The following ACER2 variants were observed in gnomAD, a reference collection of about 807,000 sequenced individuals.
ACER2 encodes alkaline ceramidase 2.
A neutral mutation model predicts 34.7 loss-of-function variants in ACER2; 26 were observed. The ratio of observed to expected loss-of-function variants is 0.75; its 90% CI spans 0.55 to 1.04. ACER2 has a LOEUF of 1.04. Ranked by LOEUF, ACER2 falls within the 50% of genes least tolerant of loss-of-function variation. The pLI is 0.00. For synonymous variants in ACER2, 138 were observed against 132.1 expected, an observed-to-expected ratio of 1.04 and a Z score of -0.31; for missense variants, 352 against 340.8, an observed-to-expected ratio of 1.03 and a Z score of -0.26.
intron 3 of ACER2, among the ~76,000 whole-genome samples, chr9:19,432,155 C>G (rs371123019): frequency 7.2e-4 from 109 of 152,262 alleles, no homozygotes; most frequent in African/African-American, 2.5e-3. Flanking sequence ...AAGATAGTAT[C>G]AATTATTTGT....
chr9:19,434,910 T>G lies in ACER2; in HGVS notation c.366-37T>G, dbSNP rs989483613. 3 of 1,611,008 alleles carry G rather than the reference T, an allele frequency of 1.9e-6. No individual in the cohort carries two copies. In the African/African-American group the frequency reaches 4.0e-5, roughly 22 times the overall value. ...AAACAAACAAACAAACAAGAACTCC[T>G]TTTCTAATGGATTTGGTTTTGCTTT... On this transcript the variant is annotated intron_variant, in intron 3 of 5. Coordinates refer to ENST00000340967, the MANE Select transcript of ACER2 (RefSeq NM_001010887.3).
chr9:19,413,872 C>T (rs1189518761), intron 1 of ACER2, among the ~76,000 whole-genome samples: 1 of 152,212 alleles, frequency 6.6e-6, no homozygotes, highest in Non-Finnish European at 1.5e-5. Flanking sequence ...AGTCCTAAGT[C>T]CCGCTCTCTT....
chr9:19,413,169 C>T (rs1830138322), intron 1 of ACER2, among the ~76,000 whole-genome samples: 2 of 152,222 alleles, frequency 1.3e-5, no homozygotes, highest in Admixed American at 1.3e-4. Flanking sequence ...ATTGTATCAT[C>T]CTTTGCTTCA....
intron 1 of ACER2, among the ~76,000 whole-genome samples, chr9:19,410,332 C>T (rs1481134406): frequency 6.6e-6 from 1 of 152,094 alleles, no homozygotes; most frequent in Non-Finnish European, 1.5e-5. Flanking sequence ...AAGTCTGGGC[C>T]CTTCCTTCCC....
At chr9:19,429,898 G>A (rs1446776261) in intron 3 of ACER2, among the ~76,000 whole-genome samples, 1 of 152,208 alleles carries the variant, frequency 6.6e-6, no homozygotes, top group African/African-American at 2.4e-5. Context: ...TCAAGGGCTG[G>A]CTGTTCTAAA....
intron 1 of ACER2, among the ~76,000 whole-genome samples, chr9:19,421,926 C>G (rs1233506530): frequency 6.6e-6 from 1 of 152,086 alleles, no homozygotes; most frequent in African/African-American, 2.4e-5. Flanking sequence ...GTGCCTAGCC[C>G]AAACTGAGGC....
rs1830294714 is a variant in ACER2, at chr9:19,418,269, C to T, written c.109-5593C>T. On this transcript the variant is annotated intron_variant, in intron 1 of 5. Coordinates refer to ENST00000340967, the MANE Select transcript of ACER2 (RefSeq NM_001010887.3). Reference sequence around the variant, plus strand: ...TGGTGGGAGTGTAAATTAGTTCAACCATTGTGGAAGACAGTGTGGCGATTC... The same window carrying T: ...TGGTGGGAGTGTAAATTAGTTCAACTATTGTGGAAGACAGTGTGGCGATTC... Among the ~76,000 whole-genome samples the T allele has an allele frequency of 2.0e-5, 3 of 152,264 alleles. No individual in the cohort carries two copies. The South Asian group carries it at 6.2e-4, about 32-fold the overall frequency.
intron 1 of ACER2, among the ~76,000 whole-genome samples, chr9:19,410,474 C>T (rs552551169): frequency 2.6e-5 from 4 of 152,276 alleles, no homozygotes; most frequent in East Asian, 3.9e-4. Flanking sequence ...CTTTGGGAGG[C>T]CAAGGCAGGT....
chr9:19,410,234 T>C (rs768479118), intron 1 of ACER2, among the ~76,000 whole-genome samples: 2 of 152,226 alleles, frequency 1.3e-5, no homozygotes, highest in Non-Finnish European at 2.9e-5. Flanking sequence ...CTAGTCCCTG[T>C]CCTTTTATTC....
At position 19,409,055 on chromosome 9, in the gene ACER2, G is replaced by A. The variant is rs757923845; in HGVS notation, c.-30G>A. The A allele has an allele frequency of 7.4e-5, 114 of 1,538,646 alleles. No homozygotes were observed. The highest frequency in any genetic ancestry group is 8.8e-5 in the Non-Finnish European group (100 of 1,140,844). On this transcript the variant is annotated 5_prime_UTR_variant, in exon 1 of 6. Transcript: ENST00000340967. ...AGCTCTGGGCTCTTCTCAGCTGCGC[G>A]AGCAGCTGCTCCAATGCCCCGGAGT...
chr9:19,444,556 C>G (rs1589067787), intron 4 of ACER2, among the ~76,000 whole-genome samples: 2 of 152,282 alleles, frequency 1.3e-5, no homozygotes, highest in South Asian at 2.1e-4. Context: ...TTGTGTTGGG[C>G]CTCATTCGAA....
chr9:19,448,455 A>G (rs1371830201), intron 5 of ACER2, among the ~76,000 whole-genome samples: 1 of 152,192 alleles, frequency 6.6e-6, no homozygotes, highest in African/African-American at 2.4e-5. Context: ...TTTATAATTT[A>G]TTTAACCAAC....
At chr9:19,448,951 T>C (rs1465668894) in intron 5 of ACER2, among the ~76,000 whole-genome samples, 3 of 152,054 alleles carry the variant, frequency 2.0e-5, no homozygotes, top group African/African-American at 7.2e-5. Flanking sequence ...CCATCCTGGC[T>C]AACACGGTGA....
chr9:19,426,233 A>ATTT (rs1563878667), intron 3 of ACER2, among the ~76,000 whole-genome samples: 2 of 145,192 alleles, frequency 1.4e-5, no homozygotes, highest in African/African-American at 2.6e-5. Flanking sequence ...TTTTTTAAAA[A>ATTT]AAAAAAAACA....
At chr9:19,434,058 G>A (rs1830859577) in intron 3 of ACER2, among the ~76,000 whole-genome samples, 1 of 147,132 alleles carries the variant, frequency 6.8e-6, no homozygotes, top group Admixed American at 6.6e-5. Flanking sequence ...TTCTCAGACG[G>A]GGCGGCCGGG....
At chr9:19,433,778 G>C (rs1233681421) in intron 3 of ACER2, among the ~76,000 whole-genome samples, 3 of 148,258 alleles carry the variant, frequency 2.0e-5, no homozygotes, top group South Asian at 2.2e-4. Context: ...CTGGCCGGGC[G>C]GGGGGCTGAC....
chr9:19,442,405 G>A (rs1266172593), intron 4 of ACER2, among the ~76,000 whole-genome samples: 1 of 152,160 alleles, frequency 6.6e-6, no homozygotes, highest in Non-Finnish European at 1.5e-5. Context: ...CCGCAGCTTT[G>A]GACAAGCCCC....
At chr9:19,450,018 C>A (rs1831508683) in intron 5 of ACER2, among the ~76,000 whole-genome samples, 1 of 151,596 alleles carries the variant, frequency 6.6e-6, no homozygotes, top group Non-Finnish European at 1.5e-5. Flanking sequence ...CACTAAACTG[C>A]AAAAGTGGTT....
chr9:19,414,909 AT>A, intron 1 of ACER2, among the ~76,000 whole-genome samples: 1 of 151,286 alleles, frequency 6.6e-6, no homozygotes, highest in South Asian at 2.1e-4. Context: ...GACCAATACA[AT>A]TTTGAGGGAT....
Sources: gnomAD v4.1 joint callset for allele counts (sites outside exome capture counted in the v4.1 genomes callset) on GRCh38, gnomAD v4.1.1 for gene constraint, MANE v1.5 for transcripts, NCBI Gene and HGNC (gene_info 2026-07-23, HGNC 2026-07-21) for gene names.